GALNT13: variants seen among roughly 807,000 people sequenced by gnomAD.
GALNT13 encodes polypeptide N-acetylgalactosaminyltransferase 13.
GALNT13 carries 28 observed loss-of-function variants against 64.2 expected under a neutral mutation model. The ratio of observed to expected loss-of-function variants is 0.44; its 90% CI spans 0.32 to 0.60. GALNT13 has a LOEUF of 0.60. GALNT13 is among the 20% of genes least tolerant of loss of function. GALNT13 has a pLI of 0.05. For synonymous variants in GALNT13, 214 were observed against 224.6 expected (o/e 0.95, Z 0.42); for missense variants, 577 against 669.8 (o/e 0.86, Z 1.53).
chr2:154,322,908 A>G (rs1049509330), intron 9 of GALNT13, among the ~76,000 whole-genome samples: 6 of 151,948 alleles, frequency 3.9e-5, no homozygotes, highest in Non-Finnish European at 1.5e-5. Context: ...TTTTGATGTG[A>G]CGGCTGGAAG....
At chr2:153,549,474 G>C in the GALNT13 span, among the ~76,000 whole-genome samples, 2,411 of 152,298 alleles carry the variant, frequency 0.016, 76 homozygotes, top group African/African-American at 0.055. Flanking sequence ...ATGGCCTCAT[G>C]ACTTGCTTTG....
chr2:153,395,635 A>C, the GALNT13 span, among the ~76,000 whole-genome samples: 36 of 152,232 alleles, frequency 2.4e-4, no homozygotes, highest in Middle Eastern at 3.4e-3. Context: ...GTTGTAGATG[A>C]ATGTTTCTGG....
chr2:153,278,998 A>G, the GALNT13 span, among the ~76,000 whole-genome samples: 4 of 152,202 alleles, frequency 2.6e-5, no homozygotes, highest in South Asian at 8.3e-4. Flanking sequence ...GCATGGAATG[A>G]TTTACCATTT....
At chr2:153,254,373 G>A in the GALNT13 span, among the ~76,000 whole-genome samples, 2 of 151,778 alleles carry the variant, frequency 1.3e-5, no homozygotes, top group African/African-American at 4.8e-5. Flanking sequence ...TTCTTTATTA[G>A]TCTGGCTAAC....
chr2:153,261,534 G>T, the GALNT13 span, among the ~76,000 whole-genome samples: 1 of 152,118 alleles, frequency 6.6e-6, no homozygotes, highest in Non-Finnish European at 1.5e-5. Context: ...CAAACAAATG[G>T]AGCCTCTTAC....
At chr2:153,481,754 T>C in the GALNT13 span, among the ~76,000 whole-genome samples, 4 of 152,208 alleles carry the variant, frequency 2.6e-5, no homozygotes, top group Admixed American at 2.0e-4. Flanking sequence ...AATGCTGATA[T>C]GGATGGTTGC....
chr2:154,106,833 T>C (rs1174877139), intron 3 of GALNT13, among the ~76,000 whole-genome samples: 1 of 152,148 alleles, frequency 6.6e-6, no homozygotes, highest in Non-Finnish European at 1.5e-5. Context: ...TCAAGCTAGT[T>C]AACATATTAC....
At chr2:153,097,152 C>T in the GALNT13 span, among the ~76,000 whole-genome samples, 2 of 152,050 alleles carry the variant, frequency 1.3e-5, no homozygotes, top group Non-Finnish European at 2.9e-5. Context: ...CTAATAAAAA[C>T]TCTATGCCTT....
At chr2:153,417,506 G>C in the GALNT13 span, among the ~76,000 whole-genome samples, 3 of 152,230 alleles carry the variant, frequency 2.0e-5, no homozygotes, top group Non-Finnish European at 4.4e-5. Context: ...TGGTGGCTTG[G>C]ATGAGTCTGC....
At chr2:153,294,160 A>G in the GALNT13 span, among the ~76,000 whole-genome samples, 14 of 152,162 alleles carry the variant, frequency 9.2e-5, no homozygotes, top group Non-Finnish European at 1.8e-4. Flanking sequence ...AGACTTACTA[A>G]TGTTAAAATT....
the GALNT13 span, among the ~76,000 whole-genome samples, chr2:153,754,074 GT>G: frequency 6.6e-6 from 1 of 150,972 alleles, no homozygotes; most frequent in African/African-American, 2.4e-5. Flanking sequence ...GTAAATGCTG[GT>G]GGCTGGGACA....
At chr2:153,496,500 T>G in the GALNT13 span, among the ~76,000 whole-genome samples, 1 of 152,214 alleles carries the variant, frequency 6.6e-6, no homozygotes, top group Non-Finnish European at 1.5e-5. Flanking sequence ...CTAAAAAATA[T>G]CCTGACTTTG....
the GALNT13 span, among the ~76,000 whole-genome samples, chr2:153,109,466 T>C: frequency 1.0e-3 from 156 of 152,308 alleles, 1 homozygote; most frequent in African/African-American, 3.0e-3. Flanking sequence ...CAATTGGTTC[T>C]ATTAACATTC....
the GALNT13 span, among the ~76,000 whole-genome samples, chr2:153,213,769 A>C: frequency 6.6e-6 from 1 of 152,236 alleles, no homozygotes; most frequent in African/African-American, 2.4e-5. Context: ...ATCTATCTTC[A>C]TGGATTTTTC....
chr2:153,670,768 A>G, the GALNT13 span, among the ~76,000 whole-genome samples: 13 of 152,184 alleles, frequency 8.5e-5, no homozygotes, highest in African/African-American at 3.1e-4. Flanking sequence ...CTAAAGGAGC[A>G]TGATCTAACC....
At chr2:153,224,015 C>T in the GALNT13 span, among the ~76,000 whole-genome samples, 1 of 151,642 alleles carries the variant, frequency 6.6e-6, no homozygotes, top group Admixed American at 6.6e-5. Context: ...TGTAGAATAC[C>T]ATAAAGCAGT....
the GALNT13 span, among the ~76,000 whole-genome samples, chr2:153,534,885 A>G: frequency 6.6e-6 from 1 of 152,180 alleles, no homozygotes; most frequent in Non-Finnish European, 1.5e-5. Context: ...ACTTCAGGCC[A>G]TCTGGGTGTA....
chr2:154,049,515 TTA>T (rs70981698), intron 3 of GALNT13, among the ~76,000 whole-genome samples: 31,632 of 144,994 alleles, frequency 0.22, 4,401 homozygotes, highest in Middle Eastern at 0.34. Flanking sequence ...ATTTTAAATA[TTA>T]TATATATATA....
At chr2:153,994,987 G>C (rs998725505) in intron 3 of GALNT13, among the ~76,000 whole-genome samples, 1 of 151,844 alleles carries the variant, frequency 6.6e-6, no homozygotes, top group Non-Finnish European at 1.5e-5. Context: ...AATAATTTAA[G>C]TGTCTATACT....
Sources: gnomAD v4.1 joint callset for allele counts (sites outside exome capture counted in the v4.1 genomes callset) on GRCh38, gnomAD v4.1.1 for gene constraint, MANE v1.5 for transcripts, NCBI Gene and HGNC (gene_info 2026-07-23, HGNC 2026-07-21) for gene names.